Variants in KIF13B observed in about 807,000 individuals in gnomAD.
KIF13B encodes kinesin-like protein KIF13B.
KIF13B carries 127 observed loss-of-function variants against 222.0 expected under a neutral mutation model. The ratio of observed to expected loss-of-function variants is 0.57; its 90% CI spans 0.50 to 0.66. KIF13B has a LOEUF of 0.66. Among genes scored for constraint, KIF13B ranks in the 30% least tolerant of loss-of-function variants. The pLI, the probability that KIF13B is intolerant of heterozygous loss-of-function variation, is 0.00. For missense variants in KIF13B, 2,173 were observed against 2,379.0 expected, an observed-to-expected ratio of 0.91 and a Z score of 1.80; for synonymous variants, 976 against 919.0, an observed-to-expected ratio of 1.06 and a Z score of -1.12.
Position 29,116,828 on chromosome 8 carries a change from A to G in KIF13B, c.3837+3T>C. 6.2e-7 allele frequency: 1 copy of G among 1,601,348 alleles called. No homozygotes were observed. ...AGAGTCGTTTCTTCCACTGAAGACT[A>G]ACCTGGCGGCCGTGAACATTGACAC... On this transcript the variant is annotated splice_donor_region_variant and intron_variant, in intron 31 of 39. Transcript: ENST00000524189.
intron 2 of KIF13B, among the ~76,000 whole-genome samples, chr8:29,240,953 T>C (rs561506105): frequency 6.6e-6 from 1 of 152,260 alleles, no homozygotes; most frequent in African/African-American, 2.4e-5. Flanking sequence ...AAGCGTTCCA[T>C]AACTAGAAAT....
At position 29,110,086 on chromosome 8, in the gene KIF13B, T is replaced by C. The variant is rs763370060; in HGVS notation, c.3931-16A>G. On this transcript the variant is annotated splice_polypyrimidine_tract_variant and intron_variant, in intron 32 of 39. Transcript: ENST00000524189. Reference sequence around the variant, plus strand: ...CCTGGGCATCCTGAGCAGTGGAAAGTTATACATTATAAAAGCTTCTTGATG... The same window carrying C: ...CCTGGGCATCCTGAGCAGTGGAAAGCTATACATTATAAAAGCTTCTTGATG... 3 of 1,551,384 alleles carry C rather than the reference T, an allele frequency of 1.9e-6. No homozygotes were observed. The East Asian group carries it at 7.3e-5, about 38-fold the overall frequency.
At chr8:29,220,783 A>G (rs542501653) in intron 2 of KIF13B, among the ~76,000 whole-genome samples, 2 of 152,318 alleles carry the variant, frequency 1.3e-5, no homozygotes, top group South Asian at 4.1e-4. Flanking sequence ...AGAAAAGAGT[A>G]GAGAGATAAC....
chr8:29,109,832 A>G, intron 33 of KIF13B, 86 bp downstream of exon 33: 4 of 1,326,370 alleles, frequency 3.0e-6, no homozygotes, highest in Non-Finnish European at 4.2e-6. Flanking sequence ...TGTTAGGTGC[A>G]ACAACACTGT....
intron 2 of KIF13B, among the ~76,000 whole-genome samples, chr8:29,229,088 TAAAAAAAAA>T (rs370080449): frequency 3.2e-5 from 3 of 94,694 alleles, no homozygotes; most frequent in East Asian, 3.1e-4. Flanking sequence ...ATGTCAGCTT[TAAAAAAAAA>T]AAAAAAAAAA....
At chr8:29,263,097 G>T, upstream of KIF13B, 1 of 1,375,844 alleles carries the variant, frequency 7.3e-7, no homozygotes, top group Non-Finnish European at 9.8e-7. Context: ...ACTCTTCGGG[G>T]TTGACCCGGC....
chr8:29,113,995 T>C (rs1447552073), intron 31 of KIF13B, among the ~76,000 whole-genome samples: 1 of 152,212 alleles, frequency 6.6e-6, no homozygotes, highest in East Asian at 1.9e-4. Flanking sequence ...GGGCATTAAA[T>C]TCTTGACCAA....
At chr8:29,172,460 G>A (rs185671257) in intron 10 of KIF13B, among the ~76,000 whole-genome samples, 6 of 152,166 alleles carry the variant, frequency 3.9e-5, no homozygotes, top group Admixed American at 1.3e-4. Flanking sequence ...CATGAAAGTT[G>A]CAATGATAAC....
At chr8:29,175,972 GA>G in intron 10 of KIF13B, 95 bp downstream of exon 10, 1 of 719,466 alleles carries the variant, frequency 1.4e-6, no homozygotes, top group Non-Finnish European at 2.5e-6. Flanking sequence ...ACCGATAGAG[GA>G]AATGATACCT....
chr8:29,185,648 C>G (rs746151288), intron 6 of KIF13B, among the ~76,000 whole-genome samples: 1 of 152,236 alleles, frequency 6.6e-6, no homozygotes, highest in Admixed American at 6.5e-5. Flanking sequence ...CCTTGATCAT[C>G]TTCCTCATCC....
intron 2 of KIF13B, among the ~76,000 whole-genome samples, chr8:29,220,889 TCGCTTGAA>T (rs1814712015): frequency 6.6e-6 from 1 of 152,032 alleles, no homozygotes; most frequent in South Asian, 2.1e-4. Flanking sequence ...GACAAGTGGA[TCGCTTGAA>T]CCCAGGAGTT....
At chr8:29,188,951 C>G (rs1156942383) in intron 4 of KIF13B, among the ~76,000 whole-genome samples, 11 of 152,206 alleles carry the variant, frequency 7.2e-5, no homozygotes. Context: ...CTATTTACCA[C>G]TCAGGCAATG....
chr8:29,180,243 G>A lies in KIF13B; in HGVS notation c.586-5C>T, dbSNP rs977710207. On this transcript the variant is annotated splice_polypyrimidine_tract_variant and splice_region_variant and intron_variant, in intron 7 of 39. Coordinates refer to ENST00000524189, the MANE Select transcript of KIF13B (RefSeq NM_015254.4). ...AGACATCAACGACTCAATATCCTAA[G>A]TGGAAACAAGTCATAGACCCACGTT... The A allele has an allele frequency of 3.7e-6, 6 of 1,613,870 alleles. No homozygotes were observed. Among genetic ancestry groups the A allele is most frequent in the South Asian group, 1.1e-5 (1 of 91,078 alleles).
chr8:29,222,515 C>CTTTTTTTTTTTTT lies in KIF13B; in HGVS notation c.149+22818_149+22830dup, dbSNP rs58488862. Among the ~76,000 whole-genome samples the CTTTTTTTTTTTTT allele has an allele frequency of 1.5e-4, 9 of 60,588 alleles. 1 individual carries two copies. The highest frequency in any genetic ancestry group is 5.2e-4 in the African/African-American group (7 of 13,334). 39.7% of individuals were successfully genotyped at this position (60,588 alleles called of 152,430 possible). On this transcript the variant is annotated intron_variant, in intron 2 of 39. Transcript: ENST00000524189. ...TCCTGAGCTCAAGTCCCACACCTGACTTTTTTTTTTTTTTTTTTTTTTTTT... is the reference window on the plus strand; with the variant it reads ...TCCTGAGCTCAAGTCCCACACCTGACTTTTTTTTTTTTTTTTTTTTTTTTTTTTTTTTTTTTTT...
chr8:29,105,569 A>G (rs1409190213), intron 35 of KIF13B, among the ~76,000 whole-genome samples: 1 of 151,226 alleles, frequency 6.6e-6, no homozygotes, highest in Admixed American at 6.6e-5. Flanking sequence ...CGTGAGGGAC[A>G]GTACTTTTCT....
intron 35 of KIF13B, among the ~76,000 whole-genome samples, chr8:29,103,920 C>T (rs1330386781): frequency 6.6e-6 from 1 of 152,154 alleles, no homozygotes; most frequent in Non-Finnish European, 1.5e-5. Context: ...TCTTGCTAAT[C>T]CCCAGCCCTG....
chr8:29,080,785 C>T (rs866674662), intron 37 of KIF13B, among the ~76,000 whole-genome samples: 2 of 152,152 alleles, frequency 1.3e-5, no homozygotes, highest in East Asian at 1.9e-4. Context: ...GACCCCCGCC[C>T]GAGCCACTGT....
At chr8:29,152,044 T>C (rs977709761) in intron 14 of KIF13B, among the ~76,000 whole-genome samples, 8 of 152,180 alleles carry the variant, frequency 5.3e-5, no homozygotes, top group Non-Finnish European at 8.8e-5. Flanking sequence ...AGTCCAATCA[T>C]CATGGATGCC....
chr8:29,207,531 T>A (rs1814007368), intron 2 of KIF13B, among the ~76,000 whole-genome samples: 1 of 152,080 alleles, frequency 6.6e-6, no homozygotes, highest in Non-Finnish European at 1.5e-5. Flanking sequence ...GTCTAAACTG[T>A]CCAGTCCTGA....
Sources: allele counts gnomAD v4.1 joint callset (sites outside exome capture counted in the v4.1 genomes callset), GRCh38; gene constraint gnomAD v4.1.1; transcripts MANE v1.5; gene names NCBI Gene and HGNC (gene_info 2026-07-23, HGNC 2026-07-21).